Variants in OXR1 observed in about 807,000 individuals in gnomAD.
OXR1 encodes oxidation resistance 1.
OXR1 carries 41 observed loss-of-function variants against 104.6 expected under a neutral mutation model. The observed-to-expected ratio is 0.39, with a 90% CI of 0.31 to 0.51. OXR1 has a LOEUF of 0.51. Ranked by LOEUF, OXR1 falls within the 20% of genes least tolerant of loss-of-function variation. The pLI is 0.77. For synonymous variants in OXR1, 348 were observed against 348.4 expected, an observed-to-expected ratio of 1.00 and a Z score of 0.01; for missense variants, 955 against 1,031.9, an observed-to-expected ratio of 0.93 and a Z score of 1.02.
intron 11 of OXR1, among the ~76,000 whole-genome samples, chr8:106,736,966 T>C (rs1229630526): frequency 6.6e-6 from 1 of 152,168 alleles, no homozygotes. Context: ...CTAGAGCTTA[T>C]TTTTCTTATT....
chr8:106,607,474 C>T (rs1037785144), intron 3 of OXR1, among the ~76,000 whole-genome samples: 5 of 152,202 alleles, frequency 3.3e-5, no homozygotes, highest in African/African-American at 1.2e-4. Flanking sequence ...ACTGTATTAT[C>T]CAAGTTCAAG....
At chr8:106,292,023 C>T (rs1360355177) in intron 1 of OXR1, among the ~76,000 whole-genome samples, 1 of 152,168 alleles carries the variant, frequency 6.6e-6, no homozygotes, top group African/African-American at 2.4e-5. Context: ...CACAGCCAAA[C>T]CATATCAACA....
Position 106,519,145 on chromosome 8 carries a change from C to T in OXR1, c.220+6C>T, listed in dbSNP as rs1345626705. On this transcript the variant is annotated splice_donor_region_variant and intron_variant, in intron 3 of 16. Transcript: ENST00000517566. Reference sequence around the variant, plus strand: ...GAAGAGGTTCTACACAATTGGTGAGCACCAGATGTTTTATGCAAGTGAATA... The same window carrying T: ...GAAGAGGTTCTACACAATTGGTGAGTACCAGATGTTTTATGCAAGTGAATA... 4 of 1,539,726 alleles carry T rather than the reference C, an allele frequency of 2.6e-6. No homozygotes were observed. The Admixed American group carries it at 5.9e-5, about 23-fold the overall frequency.
intron 1 of OXR1, among the ~76,000 whole-genome samples, chr8:106,274,318 C>G (rs1168503558): frequency 6.6e-6 from 1 of 152,128 alleles, no homozygotes; most frequent in East Asian, 1.9e-4. Context: ...TGCAGGAGCT[C>G]AGAGCACTTA....
At chr8:106,700,083 TAGA>T (rs1469674360) in intron 7 of OXR1, among the ~76,000 whole-genome samples, 1 of 152,174 alleles carries the variant, frequency 6.6e-6, no homozygotes, top group African/African-American at 2.4e-5. Flanking sequence ...AATTTCTCTT[TAGA>T]AGATTAGTCA....
At chr8:106,687,351 C>G (rs1377917518) in intron 6 of OXR1, among the ~76,000 whole-genome samples, 2 of 152,122 alleles carry the variant, frequency 1.3e-5, no homozygotes, top group African/African-American at 4.8e-5. Flanking sequence ...GAGGAGTCTT[C>G]TGTTATTGTT....
intron 1 of OXR1, among the ~76,000 whole-genome samples, chr8:106,280,367 C>T (rs564135996): frequency 3.3e-5 from 5 of 152,310 alleles, no homozygotes; most frequent in East Asian, 1.9e-4. Context: ...GTTGACACGG[C>T]CATTCGGGCT....
At chr8:106,425,558 T>C (rs1180845176) in intron 2 of OXR1, among the ~76,000 whole-genome samples, 2 of 152,156 alleles carry the variant, frequency 1.3e-5, no homozygotes, top group Admixed American at 6.5e-5. Flanking sequence ...ATTGGTCTTG[T>C]TTCTTTCAAC....
intron 9 of OXR1, among the ~76,000 whole-genome samples, chr8:106,707,936 C>G (rs1414671374): frequency 6.6e-6 from 1 of 152,054 alleles, no homozygotes; most frequent in African/African-American, 2.4e-5. Context: ...TACCATTTAA[C>G]TTTTTAAAAT....
At chr8:106,280,802 AAAATTTCT>A (rs1812249945) in intron 1 of OXR1, among the ~76,000 whole-genome samples, 1 of 152,212 alleles carries the variant, frequency 6.6e-6, no homozygotes. Context: ...GAAATTAGTG[AAAATTTCT>A]AATTCTTAAA....
At chr8:106,565,924 C>T (rs1817038602) in intron 3 of OXR1, among the ~76,000 whole-genome samples, 1 of 152,128 alleles carries the variant, frequency 6.6e-6, no homozygotes, top group African/African-American at 2.4e-5. Context: ...TAACCTTATG[C>T]AGAAAACTGA....
intron 3 of OXR1, chr8:106,520,374 T>C (rs550770890): frequency 1.2e-4 from 18 of 152,300 alleles, no homozygotes; most frequent in African/African-American, 3.8e-4. Flanking sequence ...TGTGTGACTC[T>C]GTCAAGTCAT....
chr8:106,516,170 C>G (rs1358521335), intron 2 of OXR1, among the ~76,000 whole-genome samples: 2 of 152,114 alleles, frequency 1.3e-5, no homozygotes, highest in Non-Finnish European at 2.9e-5. Flanking sequence ...TCCCTCATAA[C>G]TGCTCCCTCA....
chr8:106,372,460 C>A (rs1471553433), intron 2 of OXR1, among the ~76,000 whole-genome samples: 4 of 151,512 alleles, frequency 2.6e-5, no homozygotes, highest in Non-Finnish European at 5.9e-5. Context: ...AGTCAGCCAT[C>A]TTGGCCTCTC....
At chr8:106,673,325 T>C (rs184113733) in intron 3 of OXR1, among the ~76,000 whole-genome samples, 4 of 152,210 alleles carry the variant, frequency 2.6e-5, no homozygotes, top group Admixed American at 2.6e-4. Context: ...CCTAGAGATA[T>C]ATAGAACGTG....
At chr8:106,521,625 G>T (rs968892742) in intron 3 of OXR1, among the ~76,000 whole-genome samples, 1 of 152,282 alleles carries the variant, frequency 6.6e-6, no homozygotes, top group East Asian at 1.9e-4. Flanking sequence ...CGATTCTCCT[G>T]CCTCAGCCTC....
intron 2 of OXR1, among the ~76,000 whole-genome samples, chr8:106,504,656 G>A (rs1812036553): frequency 6.6e-6 from 1 of 152,076 alleles, no homozygotes; most frequent in Non-Finnish European, 1.5e-5. Flanking sequence ...AGATGTAAAA[G>A]CCTTCTAATC....
At chr8:106,347,558 T>C (rs1462921642) in intron 1 of OXR1, among the ~76,000 whole-genome samples, 1 of 152,226 alleles carries the variant, frequency 6.6e-6, no homozygotes, top group African/African-American at 2.4e-5. Flanking sequence ...GATTGTTGAT[T>C]GTAGGCAATA....
intron 2 of OXR1, among the ~76,000 whole-genome samples, chr8:106,397,510 T>G (rs1817827482): frequency 6.6e-6 from 1 of 152,146 alleles, no homozygotes; most frequent in Non-Finnish European, 1.5e-5. Context: ...TCTAAATCTT[T>G]ATTACTTATA....
Sources: allele counts gnomAD v4.1 joint callset (sites outside exome capture counted in the v4.1 genomes callset), GRCh38; gene constraint gnomAD v4.1.1; transcripts MANE v1.5; gene names NCBI Gene and HGNC (gene_info 2026-07-23, HGNC 2026-07-21).